The following MIB1 variants were observed in gnomAD, a reference collection of about 807,000 sequenced individuals.
MIB1 encodes the protein E3 ubiquitin-protein ligase MIB1.
MIB1 carries 278 observed loss-of-function variants against 124.5 expected under a neutral mutation model. The ratio of observed to expected loss-of-function variants is 2.23; its 90% CI spans 2.02 to 2.47. The LOEUF (loss-of-function observed/expected upper bound fraction) is 2.47, where lower values mean the gene tolerates loss of function less well. Among genes scored for constraint, MIB1 ranks in the 30% most tolerant of loss-of-function variants. MIB1 has a pLI of 0.00. For missense variants in MIB1, 957 were observed against 1,254.4 expected (o/e 0.76, Z 3.58); for synonymous variants, 446 against 429.4 (o/e 1.04, Z -0.48).
chr18:21,735,985 G>A (rs2040795338), upstream of MIB1, among the ~76,000 whole-genome samples: 1 of 152,248 alleles, frequency 6.6e-6, no homozygotes, highest in Non-Finnish European at 1.5e-5. Flanking sequence ...TGACACCTGT[G>A]AAGAGAGCAG....
intron 3 of MIB1, among the ~76,000 whole-genome samples, chr18:21,769,563 C>G (rs1296975990): frequency 6.6e-6 from 1 of 152,184 alleles, no homozygotes; most frequent in Admixed American, 6.5e-5. Flanking sequence ...GCCTCTTTTC[C>G]TGGCTGGATC....
intron 10 of MIB1, among the ~76,000 whole-genome samples, chr18:21,810,365 T>A (rs558061623): frequency 6.6e-6 from 1 of 152,150 alleles, no homozygotes; most frequent in African/African-American, 2.4e-5. Flanking sequence ...CCTAAAGATG[T>A]TTCTTGCAGA....
chr18:21,842,043 C>T (rs1242434101), intron 13 of MIB1, among the ~76,000 whole-genome samples: 1 of 119,268 alleles, frequency 8.4e-6, no homozygotes, highest in Non-Finnish European at 1.6e-5. Flanking sequence ...CTGCAGTGAG[C>T]TATGTGCCAC....
intron 17 of MIB1, 107 bp downstream of exon 17, chr18:21,849,495 A>T: frequency 1.8e-6 from 1 of 548,426 alleles, no homozygotes. Context: ...TTGCTCTTCC[A>T]AACAATGATT....
chr18:21,779,675 A>G lies in MIB1; in HGVS notation c.898A>G (p.Ser300Gly), dbSNP rs756175013. 36 of 1,613,036 alleles carry G rather than the reference A, an allele frequency of 2.2e-5. No homozygotes were observed. Among genetic ancestry groups the G allele is most frequent in the African/African-American group, 1.3e-5 (1 of 74,928 alleles). The change falls in exon 6 of 21, where the codon AGT (serine) becomes GGT (glycine). Residue 300 changes from serine to glycine, a missense_variant. Physicochemically the swap from Ser to Gly is moderately conservative, Grantham distance 56. Transcript: ENST00000261537. The part of the protein sequence containing the change: ...EDHDIVVQYP[S>G]GNRWTFNPAV... Reference sequence around the variant, plus strand: ...TCATGACATTGTAGTACAGTATCCAAGTGGCAATAGGTGGGTGATATCTCT... The same window carrying G: ...TCATGACATTGTAGTACAGTATCCAGGTGGCAATAGGTGGGTGATATCTCT...
intron 11 of MIB1, 126 bp downstream of exon 11, chr18:21,815,939 C>A: frequency 9.7e-6 from 8 of 826,920 alleles, no homozygotes; most frequent in Non-Finnish European, 1.4e-5. Flanking sequence ...ATACCAAAGG[C>A]GTAAGATGTT....
chr18:21,715,463 C>T (rs1177080334), intron 1 of MIB1, among the ~76,000 whole-genome samples: 2 of 152,040 alleles, frequency 1.3e-5, no homozygotes, highest in African/African-American at 4.8e-5. Context: ...TTTTTCAACA[C>T]CTCCAAAAAG....
rs1029878367 is a variant in MIB1, at chr18:21,867,438, C to T, written c.*2772C>T. 6.6e-6 allele frequency: 1 copy of T among 152,508 alleles called. No homozygotes were observed. Among genetic ancestry groups the T allele is most frequent in the Non-Finnish European group, 1.5e-5 (1 of 68,004 alleles). The allele number at this position is 152,508 out of a possible 1,614,324, so 9.4% of individuals were successfully genotyped here. On this transcript the variant is annotated 3_prime_UTR_variant, in exon 21 of 21. Coordinates refer to ENST00000261537, the MANE Select transcript of MIB1 (RefSeq NM_020774.4). The stretch of plus-strand genomic sequence containing the variant: ...GTGCTGTTCTAATGGTATTTGTTCA[C>T]GTAATTTAACGTTCTTACTGCTTAT...
At chr18:21,836,036 C>T (rs1189684909) in intron 12 of MIB1, among the ~76,000 whole-genome samples, 2 of 151,540 alleles carry the variant, frequency 1.3e-5, no homozygotes, top group East Asian at 3.9e-4. Context: ...ATGGCTTAAG[C>T]TCAGGAGTTC....
At chr18:21,724,516 C>T (rs781416292) in intron 1 of MIB1, among the ~76,000 whole-genome samples, 7 of 149,524 alleles carry the variant, frequency 4.7e-5, no homozygotes, top group Non-Finnish European at 7.4e-5. Flanking sequence ...ACCAGGCTGG[C>T]CAATATGGTG....
rs35904303 is a variant in MIB1, at chr18:21,805,900, CTTTTTTTTTT to C, written c.1479+1898_1479+1907del. 5.7e-5 allele frequency among the ~76,000 whole-genome samples: 6 copies of C among 105,112 alleles called. No individual in the cohort carries two copies. In the South Asian group the frequency reaches 1.6e-3, roughly 29 times the overall value. The allele number at this position is 105,112 out of a possible 152,430, so 69.0% of individuals were successfully genotyped here. A position where few individuals can be genotyped will look rare whatever the true frequency, so the allele number is the denominator to read the frequency against. On this transcript the variant is annotated intron_variant, in intron 10 of 20. Coordinates refer to ENST00000261537, the MANE Select transcript of MIB1 (RefSeq NM_020774.4). ...TTTCAAGAGTAATTTTCTTTCTTTCCTTTTTTTTTTTTTTTTTTTTTGAGACAGAGTCTCC... is the reference window on the plus strand; with the variant it reads ...TTTCAAGAGTAATTTTCTTTCTTTCCTTTTTTTTTTTGAGACAGAGTCTCC...
At chr18:21,833,284 TTTGA>T (rs1282915217) in intron 12 of MIB1, among the ~76,000 whole-genome samples, 3 of 152,226 alleles carry the variant, frequency 2.0e-5, no homozygotes, top group Non-Finnish European at 2.9e-5. Context: ...AAGATGATTA[TTTGA>T]TTATTTGTTT....
chr18:21,735,902 C>T (rs764751953), upstream of MIB1, among the ~76,000 whole-genome samples: 4 of 152,362 alleles, frequency 2.6e-5, no homozygotes, highest in Non-Finnish European at 5.9e-5. Context: ...AAAACCCCCA[C>T]CTCCCTGGGA....
At chr18:21,784,003 A>G (rs1181531898) in intron 6 of MIB1, among the ~76,000 whole-genome samples, 10 of 149,780 alleles carry the variant, frequency 6.7e-5, no homozygotes, top group Non-Finnish European at 1.5e-5. Flanking sequence ...TCACCCTCCC[A>G]CAATATTGGG....
intron 1 of MIB1, among the ~76,000 whole-genome samples, chr18:21,745,999 C>G (rs971101995): frequency 2.0e-5 from 3 of 152,126 alleles, no homozygotes; most frequent in Non-Finnish European, 4.4e-5. Flanking sequence ...AGCCACCACA[C>G]CCAGCCCTTT....
chr18:21,709,700 T>C (rs1241753983), intron 1 of MIB1, among the ~76,000 whole-genome samples: 4 of 152,126 alleles, frequency 2.6e-5, no homozygotes, highest in African/African-American at 9.7e-5. Context: ...CAAACACAGA[T>C]GAAGGTTCAG....
intron 6 of MIB1, among the ~76,000 whole-genome samples, chr18:21,783,741 T>A (rs2041399360): frequency 6.6e-6 from 1 of 152,096 alleles, no homozygotes; most frequent in Non-Finnish European, 1.5e-5. Flanking sequence ...GTTTTTTAAA[T>A]AAATTTTATC....
intron 10 of MIB1, among the ~76,000 whole-genome samples, chr18:21,809,489 T>C (rs1373111734): frequency 6.6e-6 from 1 of 152,116 alleles, no homozygotes; most frequent in South Asian, 2.1e-4. Context: ...TCAACATTGA[T>C]GCAAAAATCC....
At chr18:21,858,347 G>C (rs1001473023) in intron 19 of MIB1, among the ~76,000 whole-genome samples, 199 bp from the exon 20 acceptor site, 1 of 152,158 alleles carries the variant, frequency 6.6e-6, no homozygotes, top group Admixed American at 6.5e-5. Flanking sequence ...TGTGCAAACT[G>C]TTTCTTTTTG....
Sources: allele counts gnomAD v4.1 joint callset (sites outside exome capture counted in the v4.1 genomes callset), GRCh38; gene constraint gnomAD v4.1.1; transcripts MANE v1.5; gene names NCBI Gene and HGNC (gene_info 2026-07-23, HGNC 2026-07-21).